The following STXBP5L variants were observed in gnomAD, a reference collection of about 807,000 sequenced individuals.
STXBP5L encodes syntaxin-binding protein 5-like.
In STXBP5L, 65 loss-of-function variants were observed where a neutral mutation model predicts 144.5. The observed-to-expected ratio is 0.45, with a 90% confidence interval of 0.37 to 0.55. The LOEUF is 0.55. Ranked by LOEUF, STXBP5L falls within the 20% of genes least tolerant of loss-of-function variation. The pLI is 0.00. For synonymous variants in STXBP5L, 505 were observed against 469.6 expected, an observed-to-expected ratio of 1.08 and a Z score of -0.97; for missense variants, 1,298 against 1,405.5, an observed-to-expected ratio of 0.92 and a Z score of 1.22.
rs180949348 is a variant in STXBP5L at position 121,365,023 on chromosome 3, A to G, written c.2177-13693A>G. ...GAGTCTCTATCTGAGTCTGCTTGGT[A>G]TATTTATTTTATTAATTTGTAACCT... On this transcript the variant is annotated intron_variant, in intron 20 of 26. Coordinates refer to ENST00000471454, the MANE Select transcript of STXBP5L (RefSeq NM_001308330.2). Among the ~76,000 whole-genome samples, 39 of 151,700 alleles carry G rather than the reference A, an allele frequency of 2.6e-4. No individual in the cohort carries two copies. In the East Asian group the frequency reaches 6.0e-3, roughly 23 times the overall value.
chr3:121,320,532 T>G (rs1023415957), intron 20 of STXBP5L, among the ~76,000 whole-genome samples: 4 of 152,154 alleles, frequency 2.6e-5, no homozygotes, highest in Non-Finnish European at 5.9e-5. Flanking sequence ...AGACTTTTTT[T>G]CTTGTTCCCA....
In STXBP5L at chr3:121,172,778, C is replaced by A. The variant is rs1164526143; in HGVS notation, c.877+15151C>A. On this transcript the variant is annotated intron_variant, in intron 9 of 26. Transcript: ENST00000471454. ...CATTGTGGAAACCCTGTGGTGATTC[C>A]TCAAGGATCTAGAACTAGAAATACC... Among the ~76,000 whole-genome samples the A allele has an allele frequency of 2.0e-5, 3 of 152,190 alleles. No homozygotes were observed. In the East Asian group the frequency reaches 5.8e-4, roughly 29 times the overall value.
At chr3:121,398,816 T>C (rs1299175282) in intron 22 of STXBP5L, among the ~76,000 whole-genome samples, 1 of 152,208 alleles carries the variant, frequency 6.6e-6, no homozygotes, top group East Asian at 1.9e-4. Context: ...GGCTCAAATG[T>C]AGCTATAATA....
chr3:121,093,419 G>A (rs2042934556), intron 5 of STXBP5L, among the ~76,000 whole-genome samples: 1 of 152,084 alleles, frequency 6.6e-6, no homozygotes, highest in Non-Finnish European at 1.5e-5. Flanking sequence ...TTTTTGGTTG[G>A]TAAGCTATTG....
intron 18 of STXBP5L, among the ~76,000 whole-genome samples, chr3:121,262,848 C>T (rs2050428303): frequency 6.6e-6 from 1 of 152,206 alleles, no homozygotes; most frequent in African/African-American, 2.4e-5. Flanking sequence ...CTCCCATCTC[C>T]CTGGGACAGA....
rs535229866 is a variant in STXBP5L, at chr3:121,154,053, T to G, written c.753+1493T>G. Among the ~76,000 whole-genome samples, 3 of 151,932 alleles carry G rather than the reference T, an allele frequency of 2.0e-5. No homozygotes were observed. The East Asian group carries it at 5.8e-4, about 29-fold the overall frequency. On this transcript the variant is annotated intron_variant, in intron 8 of 26. Coordinates refer to ENST00000471454, the MANE Select transcript of STXBP5L (RefSeq NM_001308330.2). ...AGGAAAATGCTGAATCATCTAGCTT[T>G]CCTATGGCCTTAAAAAGTATGGAAG...
intron 5 of STXBP5L, among the ~76,000 whole-genome samples, chr3:121,066,597 A>G (rs1421805285): frequency 6.6e-6 from 1 of 152,098 alleles, no homozygotes; most frequent in Non-Finnish European, 1.5e-5. Flanking sequence ...TATATGTGCT[A>G]ATATATGCTG....
intron 3 of STXBP5L, among the ~76,000 whole-genome samples, chr3:120,967,644 G>C (rs1249141042): frequency 1.3e-5 from 2 of 151,554 alleles, no homozygotes; most frequent in East Asian, 3.9e-4. Context: ...ACTAATTTTG[G>C]GTTTGAATTT....
At chr3:121,361,557 G>A (rs2045713484) in intron 20 of STXBP5L, among the ~76,000 whole-genome samples, 1 of 151,700 alleles carries the variant, frequency 6.6e-6, no homozygotes, top group Non-Finnish European at 1.5e-5. Context: ...TCTTCTGCTT[G>A]ATCAATTCTA....
chr3:121,383,681 A>G (rs1162286888), intron 22 of STXBP5L, among the ~76,000 whole-genome samples: 3 of 152,144 alleles, frequency 2.0e-5, no homozygotes, highest in African/African-American at 7.2e-5. Context: ...GTAAAAAGAA[A>G]GGAGGGAAAA....
At chr3:121,353,003 G>A (rs1020564371) in intron 20 of STXBP5L, among the ~76,000 whole-genome samples, 1 of 152,140 alleles carries the variant, frequency 6.6e-6, no homozygotes, top group African/African-American at 2.4e-5. Flanking sequence ...TGCGTATGTT[G>A]AACCAGCATT....
intron 20 of STXBP5L, among the ~76,000 whole-genome samples, chr3:121,328,780 G>C (rs1005290589): frequency 6.6e-6 from 1 of 151,750 alleles, no homozygotes. Flanking sequence ...ACTAGGCTTC[G>C]CTTCATAAAT....
At chr3:121,065,607 T>C (rs2041505983) in intron 5 of STXBP5L, among the ~76,000 whole-genome samples, 3 of 152,182 alleles carry the variant, frequency 2.0e-5, no homozygotes, top group South Asian at 4.1e-4. Context: ...AGAGCCTCAC[T>C]ATGTTATTCA....
intron 2 of STXBP5L, among the ~76,000 whole-genome samples, chr3:120,950,526 G>C (rs1237545173): frequency 6.6e-6 from 1 of 151,304 alleles, no homozygotes; most frequent in Non-Finnish European, 1.5e-5. Context: ...TAAATTTTAG[G>C]ATTAGTTTGT....
At chr3:120,957,315 TTA>T (rs1938144940) in intron 3 of STXBP5L, among the ~76,000 whole-genome samples, 1 of 152,028 alleles carries the variant, frequency 6.6e-6, no homozygotes, top group Non-Finnish European at 1.5e-5. Context: ...TTGTTATTGA[TTA>T]TGTTACTGTG....
At chr3:120,947,440 A>T (rs1710932289) in intron 2 of STXBP5L, among the ~76,000 whole-genome samples, 1 of 151,816 alleles carries the variant, frequency 6.6e-6, no homozygotes, top group African/African-American at 2.4e-5. Flanking sequence ...CTTGAGAAGA[A>T]AAAATTCTTT....
chr3:121,138,604 A>C (rs984140561), intron 7 of STXBP5L, among the ~76,000 whole-genome samples: 1 of 152,110 alleles, frequency 6.6e-6, no homozygotes, highest in Non-Finnish European at 1.5e-5. Context: ...ATAAAAATCC[A>C]CACATTTACA....
In STXBP5L at chr3:121,320,170, G is replaced by T. The variant is rs78049031; in HGVS notation, c.2176+1630G>T. 4.6e-4 allele frequency among the ~76,000 whole-genome samples: 70 copies of T among 152,164 alleles called. No individual in the cohort carries two copies. The East Asian group carries it at 0.013, about 29-fold the overall frequency. On this transcript the variant is annotated intron_variant, in intron 20 of 26. Transcript: ENST00000471454. The stretch of plus-strand genomic sequence containing the variant: ...TTTCGTTTAGTATCTCTCTGTTTAT[G>T]TGTGTCTACTTTCTTTCGGTAATAT...
intron 2 of STXBP5L, among the ~76,000 whole-genome samples, chr3:120,910,815 G>A (rs1353080234): frequency 6.6e-6 from 1 of 152,040 alleles, no homozygotes; most frequent in East Asian, 1.9e-4. Flanking sequence ...TAAATCTATA[G>A]TTATTAGTTT....
Sources: gnomAD v4.1 joint callset for allele counts (sites outside exome capture counted in the v4.1 genomes callset) on GRCh38, gnomAD v4.1.1 for gene constraint, MANE v1.5 for transcripts, NCBI Gene and HGNC (gene_info 2026-07-23, HGNC 2026-07-21) for gene names.